MAN1A2: variants seen among roughly 807,000 people sequenced by gnomAD.
The protein encoded by MAN1A2 is mannosyl-oligosaccharide 1,2-alpha-mannosidase IB.
MAN1A2 carries 26 observed loss-of-function variants against 75.7 expected under a neutral mutation model. That is an observed-to-expected ratio of 0.34 (90% CI 0.25 to 0.48). The LOEUF is 0.48. Ranked by LOEUF, MAN1A2 falls within the 20% of genes least tolerant of loss-of-function variation. The pLI is 0.99. For synonymous variants in MAN1A2, 247 were observed against 264.6 expected, an observed-to-expected ratio of 0.93 and a Z score of 0.65; for missense variants, 562 against 775.5, an observed-to-expected ratio of 0.72 and a Z score of 3.27.
At chr1:117,369,332 A>G (rs1652875272) in intron 1 of MAN1A2, among the ~76,000 whole-genome samples, 1 of 152,106 alleles carries the variant, frequency 6.6e-6, no homozygotes, top group East Asian at 1.9e-4. Flanking sequence ...TATAATTTTT[A>G]TATTTGTACT....
intron 12 of MAN1A2, among the ~76,000 whole-genome samples, chr1:117,517,143 G>A (rs549744591): frequency 6.6e-6 from 1 of 152,210 alleles, no homozygotes; most frequent in South Asian, 2.1e-4. Context: ...AGCAAATAAT[G>A]AAAGCAAGAC....
intron 8 of MAN1A2, among the ~76,000 whole-genome samples, chr1:117,480,552 A>G (rs897998361): frequency 6.6e-6 from 1 of 151,858 alleles, no homozygotes; most frequent in African/African-American, 2.4e-5. Flanking sequence ...TTTAAAAAAA[A>G]AGTCAATTCC....
chr1:117,499,571 T>G lies in MAN1A2; in HGVS notation c.1677+17T>G. 1 of 1,579,770 alleles carries G rather than the reference T, an allele frequency of 6.3e-7. No homozygotes were observed. The highest frequency in any genetic ancestry group is 8.6e-7 in the Non-Finnish European group (1 of 1,163,124). On this transcript the variant is annotated intron_variant, in intron 11 of 12. Transcript: ENST00000356554. ...GCAGCACTGGTAAATAAGCCAATATTCCATTTTATCTGCAAGAGTGTTAAC... is the reference window on the plus strand; with the variant it reads ...GCAGCACTGGTAAATAAGCCAATATGCCATTTTATCTGCAAGAGTGTTAAC...
rs1173955141 is a variant in MAN1A2, at chr1:117,458,521, AT to A, written c.951-1967del. 9.0e-3 allele frequency among the ~76,000 whole-genome samples: 845 copies of A among 94,302 alleles called. 13 individuals carry two copies. Among genetic ancestry groups the A allele is most frequent in the African/African-American group, 0.032 (799 of 24,732 alleles). 61.9% of individuals were successfully genotyped at this position (94,302 alleles called of 152,430 possible). A position where few individuals can be genotyped will look rare whatever the true frequency, so the allele number is the denominator to read the frequency against. ...TCTATATATATATATAGATATATAT[AT>A]ATTTTTTTTTTTTTTTTTGAGACAG... On this transcript the variant is annotated intron_variant, in intron 6 of 12. Transcript: ENST00000356554.
At position 117,435,708 on chromosome 1, in the gene MAN1A2, C is replaced by G. The variant is rs139148616; in HGVS notation, c.856-6523C>G. 6.0e-3 allele frequency among the ~76,000 whole-genome samples: 909 copies of G among 152,196 alleles called. 12 individuals carry two copies. The highest frequency in any genetic ancestry group is 0.021 in the African/African-American group (861 of 41,520). On this transcript the variant is annotated intron_variant, in intron 5 of 12. Transcript: ENST00000356554. ...ATAGAGGAACTGTTTATGATTTAAA[C>G]TTTTTTATTTTTTCTATTTTTGAAA...
chr1:117,498,897 C>T (rs533572665), intron 10 of MAN1A2, among the ~76,000 whole-genome samples: 2 of 151,720 alleles, frequency 1.3e-5, no homozygotes, highest in African/African-American at 2.4e-5. Flanking sequence ...TAAATATATA[C>T]TGTAATTATC....
chr1:117,467,529 T>C (rs531411027), intron 8 of MAN1A2, among the ~76,000 whole-genome samples: 19 of 152,254 alleles, frequency 1.2e-4, no homozygotes, highest in African/African-American at 4.1e-4. Context: ...TGACTCTTTT[T>C]ATACTTACTT....
At chr1:117,511,343 G>A (rs983797077) in intron 12 of MAN1A2, among the ~76,000 whole-genome samples, 3 of 151,972 alleles carry the variant, frequency 2.0e-5, no homozygotes, top group Admixed American at 2.0e-4. Context: ...TAGGTGTGTG[G>A]TGTTCTTGTT....
At chr1:117,501,981 CTGTT>C (rs1370922246) in intron 11 of MAN1A2, among the ~76,000 whole-genome samples, 2 of 151,816 alleles carry the variant, frequency 1.3e-5, no homozygotes, top group African/African-American at 4.8e-5. Context: ...CATAAGCAGA[CTGTT>C]TGGTTGCTTT....
intron 12 of MAN1A2, chr1:117,515,013 A>C (rs1570805623): frequency 4.5e-6 from 2 of 442,890 alleles, no homozygotes; most frequent in East Asian, 1.2e-4. Context: ...TGAGAATTAA[A>C]GTATATGAAA....
intron 3 of MAN1A2, among the ~76,000 whole-genome samples, chr1:117,413,149 G>GT (rs1474174483): frequency 1.3e-5 from 2 of 151,844 alleles, no homozygotes; most frequent in African/African-American, 4.8e-5. Context: ...GCTGAGGAAC[G>GT]TAACAACACA....
At chr1:117,498,056 CTAAA>C (rs1651086313) in intron 10 of MAN1A2, among the ~76,000 whole-genome samples, 1 of 151,800 alleles carries the variant, frequency 6.6e-6, no homozygotes, top group Non-Finnish European at 1.5e-5. Flanking sequence ...TTCTCATTAA[CTAAA>C]TAAGGGTTCC....
chr1:117,389,161 A>G (rs1198932380), intron 1 of MAN1A2, among the ~76,000 whole-genome samples: 1 of 152,222 alleles, frequency 6.6e-6, no homozygotes, highest in African/African-American at 2.4e-5. Flanking sequence ...TATTGAAGCT[A>G]AAAGAAAGAA....
chr1:117,437,702 C>A (rs998325798), intron 5 of MAN1A2, among the ~76,000 whole-genome samples: 6 of 152,014 alleles, frequency 3.9e-5, no homozygotes, highest in African/African-American at 1.2e-4. Context: ...AAAATGGGGG[C>A]AAAATTAATA....
intron 1 of MAN1A2, among the ~76,000 whole-genome samples, chr1:117,401,733 T>A (rs1647436208): frequency 6.6e-6 from 1 of 152,176 alleles, no homozygotes; most frequent in Non-Finnish European, 1.5e-5. Flanking sequence ...CTATGCACTT[T>A]TGAAAACTTA....
chr1:117,375,662 A>G (rs1653111377), intron 1 of MAN1A2, among the ~76,000 whole-genome samples: 1 of 152,196 alleles, frequency 6.6e-6, no homozygotes, highest in African/African-American at 2.4e-5. Flanking sequence ...GAGATTATTA[A>G]TGAATGTTAC....
At chr1:117,514,472 A>G (rs1237495768) in intron 12 of MAN1A2, among the ~76,000 whole-genome samples, 1 of 151,992 alleles carries the variant, frequency 6.6e-6, no homozygotes, top group Non-Finnish European at 1.5e-5. Context: ...TTATTGTCGT[A>G]TCCTCTCATA....
At chr1:117,412,150 A>C (rs935096421) in intron 3 of MAN1A2, among the ~76,000 whole-genome samples, 1 of 151,764 alleles carries the variant, frequency 6.6e-6, no homozygotes, top group Non-Finnish European at 1.5e-5. Flanking sequence ...AAACTTCTAG[A>C]ATATGGTATT....
chr1:117,458,452 A>G (rs1284557705), intron 6 of MAN1A2, among the ~76,000 whole-genome samples: 1 of 147,672 alleles, frequency 6.8e-6, no homozygotes, highest in African/African-American at 2.5e-5. Flanking sequence ...AACATATTGA[A>G]TTGACAGAAT....
Sources: allele counts gnomAD v4.1 joint callset (sites outside exome capture counted in the v4.1 genomes callset), GRCh38; gene constraint gnomAD v4.1.1; transcripts MANE v1.5; gene names NCBI Gene and HGNC (gene_info 2026-07-23, HGNC 2026-07-21).